Variants in EPHA6 observed in about 807,000 individuals in gnomAD.
EPHA6 encodes the protein ephrin type-A receptor 6.
In EPHA6, 50 loss-of-function variants were observed where a neutral mutation model predicts 112.0. The observed-to-expected ratio is 0.45, with a 90% CI of 0.36 to 0.56. The LOEUF (loss-of-function observed/expected upper bound fraction) is 0.56, where lower values mean the gene tolerates loss of function less well. Ranked by LOEUF, EPHA6 falls within the 20% of genes least tolerant of loss-of-function variation. The probability of loss-of-function intolerance (pLI) is 0.00; values close to 1 mark genes in which losing one functional copy is unlikely to be tolerated. For missense variants in EPHA6, 1,280 were observed against 1,417.4 expected (o/e 0.90, Z 1.56); for synonymous variants, 529 against 490.7 (o/e 1.08, Z -1.03).
intron 11 of EPHA6, among the ~76,000 whole-genome samples, chr3:97,556,285 C>T (rs1324549858): frequency 6.6e-6 from 1 of 151,966 alleles, no homozygotes; most frequent in Non-Finnish European, 1.5e-5. Flanking sequence ...TGAAAACTTC[C>T]TTCATGACTG....
chr3:97,227,623 G>A (rs2078399402), intron 4 of EPHA6, among the ~76,000 whole-genome samples: 1 of 152,218 alleles, frequency 6.6e-6, no homozygotes, highest in East Asian at 1.9e-4. Flanking sequence ...TGGTAAGAAT[G>A]ACAGGGATTT....
chr3:97,307,138 G>T lies in EPHA6; in HGVS notation c.1606+62851G>T, dbSNP rs996184019. 2.6e-5 allele frequency among the ~76,000 whole-genome samples: 4 copies of T among 151,530 alleles called. No individual in the cohort carries two copies. In the South Asian group the frequency reaches 8.3e-4, roughly 31 times the overall value. ...ATGCATTTTATTTTAGAAATATCTG[G>T]TTATATCTAGTTATTTAAGGACCTA... On this transcript the variant is annotated intron_variant, in intron 5 of 17. Coordinates refer to ENST00000389672, the MANE Select transcript of EPHA6 (RefSeq NM_001080448.3).
intron 3 of EPHA6, among the ~76,000 whole-genome samples, chr3:97,125,568 CAATT>C (rs1452327731): frequency 2.6e-5 from 4 of 152,066 alleles, no homozygotes; most frequent in African/African-American, 4.8e-5. Flanking sequence ...GGCTTGTTAA[CAATT>C]AAAGCAGATT....
At chr3:97,362,364 C>T (rs959788720) in intron 5 of EPHA6, among the ~76,000 whole-genome samples, 4 of 151,924 alleles carry the variant, frequency 2.6e-5, no homozygotes, top group African/African-American at 9.7e-5. Context: ...TACATTATAG[C>T]TCAATCTTTA....
At chr3:97,499,351 T>C (rs2092061368) in intron 10 of EPHA6, among the ~76,000 whole-genome samples, 1 of 152,224 alleles carries the variant, frequency 6.6e-6, no homozygotes, top group Admixed American at 6.5e-5. Flanking sequence ...CATTAAGATC[T>C]GTATATCTTC....
At chr3:97,245,852 C>G (rs934599572) in intron 5 of EPHA6, among the ~76,000 whole-genome samples, 1 of 151,926 alleles carries the variant, frequency 6.6e-6, no homozygotes, top group Non-Finnish European at 1.5e-5. Context: ...GTCATGCACA[C>G]ACACACACAC....
At chr3:97,457,578 G>T (rs1458362041) in intron 7 of EPHA6, among the ~76,000 whole-genome samples, 1 of 151,974 alleles carries the variant, frequency 6.6e-6, no homozygotes, top group Non-Finnish European at 1.5e-5. Flanking sequence ...TCGTTTGAAA[G>T]AATTTAATTT....
At chr3:97,481,113 G>T in intron 9 of EPHA6, 1 of 576,874 alleles carries the variant, frequency 1.7e-6, no homozygotes, top group Admixed American at 2.2e-5. Context: ...ACTTTGGGAG[G>T]CCAAGGCAGG....
At chr3:96,851,600 A>C (rs2035390632) in intron 1 of EPHA6, among the ~76,000 whole-genome samples, 1 of 152,148 alleles carries the variant, frequency 6.6e-6, no homozygotes, top group African/African-American at 2.4e-5. Context: ...TGATTGTGGA[A>C]TGTGCATTAG....
At chr3:96,864,115 C>T (rs1326392905) in intron 1 of EPHA6, among the ~76,000 whole-genome samples, 6 of 151,992 alleles carry the variant, frequency 3.9e-5, no homozygotes, top group African/African-American at 1.4e-4. Flanking sequence ...CATACATTTC[C>T]CTATTGTGAA....
intron 14 of EPHA6, among the ~76,000 whole-genome samples, chr3:97,678,207 T>C (rs561533530): frequency 5.9e-5 from 9 of 152,248 alleles, no homozygotes; most frequent in African/African-American, 2.2e-4. Context: ...ATGTGGGAAA[T>C]ACCTCTCCCA....
intron 6 of EPHA6, among the ~76,000 whole-genome samples, chr3:97,410,693 C>T (rs893220752): frequency 1.3e-5 from 2 of 152,090 alleles, no homozygotes; most frequent in East Asian, 1.9e-4. Context: ...TTTGATTGGG[C>T]GAATGAGTAG....
At chr3:96,915,280 T>C (rs146185196) in intron 2 of EPHA6, among the ~76,000 whole-genome samples, 1 of 152,186 alleles carries the variant, frequency 6.6e-6, no homozygotes, top group African/African-American at 2.4e-5. Context: ...TATTAACTAT[T>C]TGTATTTTAA....
intron 3 of EPHA6, among the ~76,000 whole-genome samples, chr3:97,083,613 C>G (rs1326359531): frequency 6.6e-6 from 1 of 151,828 alleles, no homozygotes; most frequent in African/African-American, 2.4e-5. Flanking sequence ...TTTTTCTACT[C>G]CGAATCTTGT....
chr3:97,421,531 C>T (rs1222798441), intron 6 of EPHA6, among the ~76,000 whole-genome samples: 4 of 152,020 alleles, frequency 2.6e-5, no homozygotes, highest in Admixed American at 6.5e-5. Context: ...ATAAGAAAAG[C>T]TTATCATAGA....
chr3:97,521,693 A>G (rs1401765483), intron 10 of EPHA6, among the ~76,000 whole-genome samples: 1 of 152,136 alleles, frequency 6.6e-6, no homozygotes, highest in Non-Finnish European at 1.5e-5. Flanking sequence ...GGATGGGGAC[A>G]TAGCAAACCA....
chr3:97,346,577 T>C (rs1188653896), intron 5 of EPHA6, among the ~76,000 whole-genome samples: 1 of 152,042 alleles, frequency 6.6e-6, no homozygotes, highest in African/African-American at 2.4e-5. Context: ...CCCATTCCAC[T>C]GATTAGTAAG....
chr3:97,403,075 A>C (rs2109116517), intron 5 of EPHA6, among the ~76,000 whole-genome samples: 1 of 147,730 alleles, frequency 6.8e-6, no homozygotes. Flanking sequence ...ATTTACCTTA[A>C]TATATCTGAC....
intron 3 of EPHA6, among the ~76,000 whole-genome samples, chr3:97,143,100 G>C: frequency 6.6e-6 from 1 of 151,606 alleles, no homozygotes; most frequent in East Asian, 1.9e-4. Context: ...AAATTAGTAA[G>C]ATTTCCATAC....
Sources: gnomAD v4.1 joint callset for allele counts (sites outside exome capture counted in the v4.1 genomes callset) on GRCh38, gnomAD v4.1.1 for gene constraint, MANE v1.5 for transcripts, NCBI Gene and HGNC (gene_info 2026-07-23, HGNC 2026-07-21) for gene names.